RNF138: variants seen among roughly 807,000 people sequenced by gnomAD.
RNF138 encodes ring finger protein 138, also known as E3 ubiquitin-protein ligase RNF138.
Under a neutral mutation model 31.0 loss-of-function variants are expected in RNF138, and 12 were observed. The observed-to-expected ratio is 0.39, with a 90% CI of 0.25 to 0.63. The LOEUF (loss-of-function observed/expected upper bound fraction) is 0.63, where lower values mean the gene tolerates loss of function less well. RNF138 is among the 20% of genes least tolerant of loss of function. RNF138 has a pLI of 0.52. For synonymous variants in RNF138, 105 were observed against 99.5 expected, an observed-to-expected ratio of 1.06 and a Z score of -0.33; for missense variants, 192 against 300.1, an observed-to-expected ratio of 0.64 and a Z score of 2.66.
intron 2 of RNF138, among the ~76,000 whole-genome samples, chr18:32,100,553 G>A (rs2039916825): frequency 7.3e-6 from 1 of 137,400 alleles, no homozygotes; most frequent in Non-Finnish European, 1.5e-5. Context: ...TCGGCTCACT[G>A]CAACCTCCGT....
chr18:32,096,993 A>T (rs1017290915), intron 2 of RNF138, among the ~76,000 whole-genome samples: 12 of 152,170 alleles, frequency 7.9e-5, no homozygotes, highest in Non-Finnish European at 1.5e-5. Context: ...CAGCCTCCCA[A>T]AGTGCTGGGA....
rs572488879 is a variant in RNF138, at chr18:32,119,814, TG to T, written c.393-3703del. ...TTTTCTAGTAAAACCTTATAGTTTT[TG>T]TTGCTATAAAAATGAGCCCCCTTTT... On this transcript the variant is annotated intron_variant, in intron 4 of 7. Coordinates refer to ENST00000261593, the MANE Select transcript of RNF138 (RefSeq NM_016271.5). Among the ~76,000 whole-genome samples the T allele has an allele frequency of 4.3e-4, 66 of 152,356 alleles. 1 individual carries two copies. In the South Asian group the frequency reaches 0.013, roughly 31 times the overall value.
chr18:32,097,934 GTATGTA>G (rs1201870020), intron 2 of RNF138, among the ~76,000 whole-genome samples: 1 of 126,434 alleles, frequency 7.9e-6, no homozygotes, highest in African/African-American at 2.8e-5. Flanking sequence ...GTGTATATGT[GTATGTA>G]TATATGTGTG....
intron 2 of RNF138, among the ~76,000 whole-genome samples, chr18:32,107,307 A>G (rs1331466160): frequency 6.8e-6 from 1 of 146,578 alleles, no homozygotes; most frequent in Non-Finnish European, 1.5e-5. Context: ...GTATTTTAGT[A>G]GAGACGGCAT....
chr18:32,123,155 C>T (rs1306899684), intron 4 of RNF138, among the ~76,000 whole-genome samples: 1 of 152,086 alleles, frequency 6.6e-6, no homozygotes, highest in Non-Finnish European at 1.5e-5. Context: ...ATTCTTGAGT[C>T]TACCGTAGCA....
At chr18:32,124,077 T>A (rs1412856080) in intron 5 of RNF138, 2 of 152,612 alleles carry the variant, frequency 1.3e-5, no homozygotes, top group Admixed American at 1.3e-4. Context: ...TAGAAGAGTT[T>A]AGTTATTCTC....
intron 2 of RNF138, among the ~76,000 whole-genome samples, chr18:32,099,528 G>A (rs1206866294): frequency 6.6e-6 from 1 of 151,994 alleles, no homozygotes; most frequent in Non-Finnish European, 1.5e-5. Context: ...CCAATCTCCC[G>A]TGTAGCTGGA....
chr18:32,101,215 T>C (rs887432548), intron 2 of RNF138, among the ~76,000 whole-genome samples: 25 of 106,586 alleles, frequency 2.3e-4, no homozygotes, highest in Non-Finnish European at 3.6e-4. Flanking sequence ...TATAGGTTTC[T>C]TTTTTTTTTT....
At chr18:32,112,971 A>G (rs1387420582) in intron 3 of RNF138, among the ~76,000 whole-genome samples, 1 of 152,176 alleles carries the variant, frequency 6.6e-6, no homozygotes, top group Non-Finnish European at 1.5e-5. Flanking sequence ...TTTTGAAGGA[A>G]GTGTTTAACT....
intron 2 of RNF138, among the ~76,000 whole-genome samples, chr18:32,101,615 C>G (rs950750792): frequency 6.6e-6 from 1 of 151,954 alleles, no homozygotes; most frequent in African/African-American, 2.4e-5. Context: ...TTTCTGGGAT[C>G]CAGCCTAGCA....
chr18:32,108,541 A>C (rs540009473), intron 2 of RNF138, among the ~76,000 whole-genome samples: 12 of 152,322 alleles, frequency 7.9e-5, no homozygotes, highest in African/African-American at 2.9e-4. Context: ...CATTTTGTGA[A>C]TATACCATAA....
intron 3 of RNF138, 137 bp downstream of exon 3, chr18:32,112,056 G>A: frequency 1.6e-6 from 1 of 618,612 alleles, no homozygotes; most frequent in Non-Finnish European, 2.6e-6. Context: ...GATAGAAAAG[G>A]CCAAAAAAAG....
intron 2 of RNF138, among the ~76,000 whole-genome samples, chr18:32,108,575 C>T (rs2040074520): frequency 6.6e-6 from 1 of 152,066 alleles, no homozygotes; most frequent in African/African-American, 2.4e-5. Flanking sequence ...CTTCTGTTGG[C>T]GGACCTATGT....
At chr18:32,097,577 G>C in intron 2 of RNF138, among the ~76,000 whole-genome samples, 1 of 151,764 alleles carries the variant, frequency 6.6e-6, no homozygotes, top group East Asian at 1.9e-4. Flanking sequence ...TCCACCTCCT[G>C]GATTTAAGCG....
At chr18:32,109,940 C>T (rs953594484) in intron 2 of RNF138, among the ~76,000 whole-genome samples, 1 of 152,082 alleles carries the variant, frequency 6.6e-6, no homozygotes, top group Admixed American at 6.6e-5. Flanking sequence ...AAACTGGCAT[C>T]TTGTTTACTT....
intron 3 of RNF138, among the ~76,000 whole-genome samples, chr18:32,112,980 C>CT (rs1279893811): frequency 4.0e-5 from 6 of 151,572 alleles, no homozygotes; most frequent in Non-Finnish European, 7.3e-5. Context: ...AAGTGTTTAA[C>CT]TGACAGGGCA....
Position 32,130,753 on chromosome 18 carries a change from T to TAAAG in RNF138, c.*1568_*1571dup, listed in dbSNP as rs2040461276. 1.3e-5 allele frequency: 2 copies of TAAAG among 152,476 alleles called. No individual in the cohort carries two copies. Among genetic ancestry groups the TAAAG allele is most frequent in the Non-Finnish European group, 2.9e-5 (2 of 67,886 alleles). 9.4% of individuals were successfully genotyped at this position (152,476 alleles called of 1,614,324 possible). The stretch of plus-strand genomic sequence containing the variant: ...GTAAAAACCTTTTTCAGTCAAACAG[T>TAAAG]AAAGACTTTATTTATGGATTGTAAT... On this transcript the variant is annotated 3_prime_UTR_variant, in exon 8 of 8. Coordinates refer to ENST00000261593, the MANE Select transcript of RNF138 (RefSeq NM_016271.5).
At chr18:32,094,830 T>C (rs1374701029) in intron 2 of RNF138, among the ~76,000 whole-genome samples, 2 of 152,330 alleles carry the variant, frequency 1.3e-5, no homozygotes, top group South Asian at 4.1e-4. Context: ...TCATTCTAAT[T>C]ATCCTTTGGG....
Position 32,116,938 on chromosome 18 carries a change from G to T in RNF138, c.392+3078G>T, listed in dbSNP as rs543340397. Among the ~76,000 whole-genome samples the T allele has an allele frequency of 2.0e-5, 3 of 151,862 alleles. No individual in the cohort carries two copies. In the East Asian group the frequency reaches 5.8e-4, roughly 29 times the overall value. ...TTTATTTGTAGACAGAGTTTTGCTC[G>T]TCTCCCAGGCTGGAGTGCAGTGGTG... On this transcript the variant is annotated intron_variant, in intron 4 of 7. Coordinates refer to ENST00000261593, the MANE Select transcript of RNF138 (RefSeq NM_016271.5).
Sources: allele counts gnomAD v4.1 joint callset (sites outside exome capture counted in the v4.1 genomes callset), GRCh38; gene constraint gnomAD v4.1.1; transcripts MANE v1.5; gene names NCBI Gene and HGNC (gene_info 2026-07-23, HGNC 2026-07-21).